Variants in ACAD10 observed in about 807,000 individuals in gnomAD.
ACAD10 encodes ACAD-10.
Under a neutral mutation model 116.8 loss-of-function variants are expected in ACAD10, and 112 were observed. The ratio of observed to expected loss-of-function variants is 0.96; its 90% CI spans 0.82 to 1.12. The LOEUF (loss-of-function observed/expected upper bound fraction) is 1.12. Ranked by LOEUF, ACAD10 falls within the 50% of genes most tolerant of loss-of-function variation. The probability of loss-of-function intolerance (pLI) is 0.00; values close to 1 mark genes in which losing one functional copy is unlikely to be tolerated. For missense variants in ACAD10, 1,259 were observed against 1,350.2 expected, an observed-to-expected ratio of 0.93 and a Z score of 1.06; for synonymous variants, 486 against 510.6, an observed-to-expected ratio of 0.95 and a Z score of 0.65.
chr12:111,718,995 A>G (rs1420936367), intron 7 of ACAD10, among the ~76,000 whole-genome samples: 1 of 151,820 alleles, frequency 6.6e-6, no homozygotes, highest in East Asian at 2.0e-4. Context: ...GTCCCAGCCA[A>G]TCTCGAGGCT....
At chr12:111,727,904 C>G in intron 8 of ACAD10, 58 bp from the exon 9 acceptor site, 3 of 1,523,680 alleles carry the variant, frequency 2.0e-6, no homozygotes, top group Non-Finnish European at 1.8e-6. Context: ...AGGGTCATGA[C>G]TAACAGCCTG....
chr12:111,711,805 C>T (rs1172210602), intron 5 of ACAD10, among the ~76,000 whole-genome samples: 1 of 152,200 alleles, frequency 6.6e-6, no homozygotes, highest in Non-Finnish European at 1.5e-5. Flanking sequence ...AGCCACCGCG[C>T]CCAGCTATGC....
intron 5 of ACAD10, among the ~76,000 whole-genome samples, chr12:111,710,780 G>C (rs746990885): frequency 9.2e-5 from 14 of 151,982 alleles, no homozygotes; most frequent in Non-Finnish European, 1.6e-4. Context: ...ACCACGCCCG[G>C]CCGTGAATCT....
Position 111,727,947 on chromosome 12 carries a change from C to T in ACAD10, c.1062-15C>T, listed in dbSNP as rs765498227. 2 of 1,598,904 alleles carry T rather than the reference C, an allele frequency of 1.3e-6. No homozygotes were observed. The highest frequency in any genetic ancestry group is 1.7e-6 in the Non-Finnish European group (2 of 1,173,670). ...ATGACTCTGATCCCTGAAACCCCTT[C>T]TGTGTTCCTCCCAGTGTCATTGGCA... On this transcript the variant is annotated splice_polypyrimidine_tract_variant and intron_variant, in intron 8 of 20. Coordinates refer to ENST00000313698, the MANE Select transcript of ACAD10 (RefSeq NM_025247.6).
chr12:111,753,757 C>G lies in ACAD10; in HGVS notation c.2818-15C>G, dbSNP rs747234527. The G allele has an allele frequency of 1.5e-5, 24 of 1,613,698 alleles. No individual in the cohort carries two copies. ...GCCCAGCATGTCCTCAGCCGCACAT[C>G]TCCTGTGTCGACAGGTGAAGTCCCG... On this transcript the variant is annotated splice_polypyrimidine_tract_variant and intron_variant, in intron 18 of 20. Coordinates refer to ENST00000313698, the MANE Select transcript of ACAD10 (RefSeq NM_025247.6).
chr12:111,753,663 CT>C (rs1890130888), intron 18 of ACAD10, 108 bp from the exon 19 acceptor site: 2 of 1,454,502 alleles, frequency 1.4e-6, no homozygotes, highest in Non-Finnish European at 1.9e-6. Flanking sequence ...CTCTCCTCCC[CT>C]GCCCTGTCCT....
chr12:111,698,697 G>T (rs546387829), intron 2 of ACAD10, among the ~76,000 whole-genome samples: 11 of 151,806 alleles, frequency 7.2e-5, no homozygotes, highest in South Asian at 4.2e-4. Context: ...GGCTGCTCTC[G>T]AACTCCCTAC....
intron 8 of ACAD10, among the ~76,000 whole-genome samples, chr12:111,727,534 A>T (rs1219973827): frequency 1.3e-5 from 2 of 152,216 alleles, no homozygotes; most frequent in East Asian, 1.9e-4. Context: ...AAAAAATTAA[A>T]AAATAAATAA....
chr12:111,706,803 T>A (rs1174902434), intron 4 of ACAD10, among the ~76,000 whole-genome samples: 1 of 142,600 alleles, frequency 7.0e-6, no homozygotes, highest in Non-Finnish European at 1.5e-5. Flanking sequence ...TGAGACCATC[T>A]CACTCTGTTG....
At chr12:111,704,774 G>A (rs1025300885) in intron 3 of ACAD10, among the ~76,000 whole-genome samples, 8 of 145,518 alleles carry the variant, frequency 5.5e-5, no homozygotes, top group Admixed American at 2.9e-4. Flanking sequence ...TGCAACCTCC[G>A]TCTCCTGGGT....
Position 111,756,477 on chromosome 12 carries a change from C to T in ACAD10, c.*4C>T. 6.2e-7 allele frequency: 1 copy of T among 1,611,708 alleles called. No individual in the cohort carries two copies. The highest frequency in any genetic ancestry group is 2.2e-5 in the East Asian group (1 of 44,870). ...AGAGCTGAAGCACCGCATTTAGAGC[C>T]TTGGGGCTGCAGTGGCTCAATGTCC... On this transcript the variant is annotated 3_prime_UTR_variant, in exon 21 of 21. Transcript: ENST00000313698.
At chr12:111,735,459 A>AT (rs1177915405) in intron 11 of ACAD10, among the ~76,000 whole-genome samples, 360 of 145,240 alleles carry the variant, frequency 2.5e-3, no homozygotes, top group Admixed American at 2.7e-3. Flanking sequence ...AAATAAGTGA[A>AT]TTTTTTTTTT....
At chr12:111,735,302 A>G (rs1889516092) in intron 11 of ACAD10, among the ~76,000 whole-genome samples, 1 of 151,978 alleles carries the variant, frequency 6.6e-6, no homozygotes, top group Non-Finnish European at 1.5e-5. Flanking sequence ...ATTTTTTAGT[A>G]TTACTTCCCC....
At chr12:111,723,219 G>A (rs1235449792) in intron 8 of ACAD10, among the ~76,000 whole-genome samples, 4 of 137,274 alleles carry the variant, frequency 2.9e-5, no homozygotes, top group Admixed American at 1.4e-4. Context: ...CCTCCCGGAC[G>A]GGGCGGCTGG....
intron 3 of ACAD10, among the ~76,000 whole-genome samples, chr12:111,705,197 C>T (rs535097458): frequency 6.6e-6 from 1 of 151,594 alleles, no homozygotes; most frequent in Admixed American, 6.6e-5. Context: ...AACTAGCAAT[C>T]CATGAGCAGA....
intron 4 of ACAD10, among the ~76,000 whole-genome samples, chr12:111,706,503 G>A (rs1888508179): frequency 6.6e-6 from 1 of 152,012 alleles, no homozygotes; most frequent in African/African-American, 2.4e-5. Context: ...AGGCTGGAGT[G>A]CAGTGGCACA....
chr12:111,716,738 TC>T (rs1024011502), intron 7 of ACAD10, among the ~76,000 whole-genome samples: 2 of 151,120 alleles, frequency 1.3e-5, no homozygotes, highest in African/African-American at 2.4e-5. Flanking sequence ...TACCTGTAGT[TC>T]CATCTACTCA....
At chr12:111,743,803 A>G (rs888725727) in intron 12 of ACAD10, among the ~76,000 whole-genome samples, 2 of 150,656 alleles carry the variant, frequency 1.3e-5, no homozygotes, top group African/African-American at 2.4e-5. Context: ...CTGGAGTGCA[A>G]TGGCACGATC....
chr12:111,711,071 C>T (rs747697526), intron 5 of ACAD10, among the ~76,000 whole-genome samples: 21 of 152,220 alleles, frequency 1.4e-4, no homozygotes, highest in Non-Finnish European at 2.8e-4. Context: ...GATAATTTCC[C>T]TCTAAAGGAC....
Sources: allele counts gnomAD v4.1 joint callset (sites outside exome capture counted in the v4.1 genomes callset), GRCh38; gene constraint gnomAD v4.1.1; transcripts MANE v1.5; gene names NCBI Gene and HGNC (gene_info 2026-07-23, HGNC 2026-07-21).